The following CDH8 variants were observed in gnomAD, a reference collection of about 807,000 sequenced individuals.
CDH8 encodes cadherin-8.
Under a neutral mutation model 68.1 loss-of-function variants are expected in CDH8, and 17 were observed. The ratio of observed to expected loss-of-function variants is 0.25; its 90% CI spans 0.17 to 0.37. The LOEUF (loss-of-function observed/expected upper bound fraction) is 0.37. CDH8 is among the 10% of genes least tolerant of loss of function. The pLI, the probability that CDH8 is intolerant of heterozygous loss-of-function variation, is 1.00. For synonymous variants in CDH8, 372 were observed against 365.1 expected, an observed-to-expected ratio of 1.02 and a Z score of -0.21; for missense variants, 763 against 999.3, an observed-to-expected ratio of 0.76 and a Z score of 3.19.
At chr16:61,965,221 G>A (rs1965226395) in intron 2 of CDH8, among the ~76,000 whole-genome samples, 1 of 152,092 alleles carries the variant, frequency 6.6e-6, no homozygotes, top group African/African-American at 2.4e-5. Context: ...ATCTAACATA[G>A]ACTTCCCCTA....
At position 61,648,535 on chromosome 16, in the gene CDH8, T is replaced by C. The variant is rs1340874378; in HGVS notation, c.*5073A>G. On this transcript the variant is annotated 3_prime_UTR_variant, in exon 12 of 12. Transcript: ENST00000577390. ...AGTCTCATAATTACAGAGATAACTG[T>C]TTAGTTGAAAGTTAAGGGGATTTAG... The C allele has an allele frequency of 6.6e-6, 1 of 151,882 alleles. No homozygotes were observed. The highest frequency in any genetic ancestry group is 1.5e-5 in the Non-Finnish European group (1 of 67,878). The allele number at this position is 151,882 out of a possible 1,614,324, so 9.4% of individuals were successfully genotyped here.
At chr16:61,855,737 A>T (rs1963031498) in intron 4 of CDH8, among the ~76,000 whole-genome samples, 1 of 152,146 alleles carries the variant, frequency 6.6e-6, no homozygotes, top group African/African-American at 2.4e-5. Flanking sequence ...AGTTCAAAAC[A>T]AATTTGACAT....
intron 2 of CDH8, among the ~76,000 whole-genome samples, chr16:61,982,154 C>T (rs149033502): frequency 4.9e-4 from 74 of 152,202 alleles, no homozygotes; most frequent in Admixed American, 1.6e-3. Flanking sequence ...TGAAGCACAT[C>T]CTTCGAACTC....
chr16:62,010,289 C>G (rs750440494), intron 2 of CDH8, among the ~76,000 whole-genome samples: 11 of 152,346 alleles, frequency 7.2e-5, no homozygotes, highest in Non-Finnish European at 1.2e-4. Flanking sequence ...TTGTTTCCTT[C>G]CATAATCTCA....
At chr16:61,853,038 C>A (rs886505080) in intron 4 of CDH8, among the ~76,000 whole-genome samples, 1 of 151,980 alleles carries the variant, frequency 6.6e-6, no homozygotes, top group African/African-American at 2.4e-5. Context: ...CCCCTTCTTT[C>A]CTGGACCTTG....
At chr16:61,702,379 GAAAAAA>G (rs200454525) in intron 10 of CDH8, among the ~76,000 whole-genome samples, 1 of 126,426 alleles carries the variant, frequency 7.9e-6, no homozygotes, top group African/African-American at 3.0e-5. Flanking sequence ...CTCAAAAAAA[GAAAAAA>G]AAAAAAGAAA....
chr16:61,737,716 A>G (rs1326134397), intron 8 of CDH8, among the ~76,000 whole-genome samples: 1 of 152,082 alleles, frequency 6.6e-6, no homozygotes, highest in Non-Finnish European at 1.5e-5. Context: ...TTCTGGGGAT[A>G]TTTTTGATAG....
chr16:62,023,368 G>A (rs1902120411), intron 1 of CDH8, among the ~76,000 whole-genome samples: 1 of 152,122 alleles, frequency 6.6e-6, no homozygotes, highest in Admixed American at 6.5e-5. Context: ...AGCTCACCCT[G>A]CTTGCTGTCT....
At chr16:61,797,631 G>C (rs1012826003) in intron 7 of CDH8, among the ~76,000 whole-genome samples, 2 of 152,072 alleles carry the variant, frequency 1.3e-5, no homozygotes, top group African/African-American at 4.8e-5. Flanking sequence ...ATGCAATCAA[G>C]ATTTCCTTGT....
chr16:61,834,132 T>C (rs190940918), intron 4 of CDH8, among the ~76,000 whole-genome samples: 8 of 152,022 alleles, frequency 5.3e-5, no homozygotes, highest in Non-Finnish European at 1.2e-4. Context: ...AAAAACGTGG[T>C]AATTGAAGCT....
chr16:61,664,883 G>A (rs1963635372), intron 10 of CDH8, among the ~76,000 whole-genome samples: 1 of 152,088 alleles, frequency 6.6e-6, no homozygotes, highest in East Asian at 1.9e-4. Context: ...TTTCTTCTTT[G>A]ATTATTGATA....
At chr16:61,811,023 CAAA>C (rs34071898) in intron 7 of CDH8, among the ~76,000 whole-genome samples, 10 of 87,676 alleles carry the variant, frequency 1.1e-4, no homozygotes, top group African/African-American at 8.3e-5. Flanking sequence ...GACTCTGTCT[CAAA>C]AAAAAAAAAA....
At chr16:61,854,289 C>A (rs1186381355) in intron 4 of CDH8, among the ~76,000 whole-genome samples, 1 of 151,998 alleles carries the variant, frequency 6.6e-6, no homozygotes, top group Non-Finnish European at 1.5e-5. Context: ...AAGTCAAGAC[C>A]CTGCTTTCCA....
At chr16:61,846,659 A>G (rs1426648683) in intron 4 of CDH8, among the ~76,000 whole-genome samples, 1 of 152,114 alleles carries the variant, frequency 6.6e-6, no homozygotes, top group African/African-American at 2.4e-5. Flanking sequence ...TAATTTGCCC[A>G]GAGATTTTAT....
At chr16:61,723,807 G>A (rs546571289) in intron 9 of CDH8, among the ~76,000 whole-genome samples, 7 of 150,540 alleles carry the variant, frequency 4.6e-5, no homozygotes, top group African/African-American at 9.7e-5. Flanking sequence ...TGCCATGGAC[G>A]TTAGAGAGGA....
intron 2 of CDH8, among the ~76,000 whole-genome samples, chr16:61,919,464 G>A (rs1964320221): frequency 6.8e-6 from 1 of 147,426 alleles, no homozygotes; most frequent in South Asian, 2.2e-4. Context: ...ACAGAGAAGT[G>A]CTTAAAGGAG....
At chr16:61,715,631 C>T (rs1481086537) in intron 9 of CDH8, among the ~76,000 whole-genome samples, 1 of 151,474 alleles carries the variant, frequency 6.6e-6, no homozygotes, top group Non-Finnish European at 1.5e-5. Flanking sequence ...ATAAATGTAA[C>T]AACTCTGTTA....
intron 10 of CDH8, among the ~76,000 whole-genome samples, chr16:61,679,377 CA>C (rs1379829692): frequency 6.6e-6 from 1 of 151,808 alleles, no homozygotes; most frequent in Non-Finnish European, 1.5e-5. Flanking sequence ...TTATGATTAC[CA>C]TATGTTATTA....
intron 4 of CDH8, among the ~76,000 whole-genome samples, chr16:61,838,572 T>C (rs796379916): frequency 3.9e-5 from 6 of 152,234 alleles, no homozygotes; most frequent in African/African-American, 1.4e-4. Context: ...GAGGTTAATT[T>C]GTTTACATTT....
Sources: allele counts gnomAD v4.1 joint callset (sites outside exome capture counted in the v4.1 genomes callset), GRCh38; gene constraint gnomAD v4.1.1; transcripts MANE v1.5; gene names NCBI Gene and HGNC (gene_info 2026-07-23, HGNC 2026-07-21).